The following WWTR1 variants were observed in gnomAD, a reference collection of about 807,000 sequenced individuals.
WWTR1 encodes WW domain containing transcription regulator 1.
In WWTR1, 13 loss-of-function variants were observed where a neutral mutation model predicts 40.1. The ratio of observed to expected loss-of-function variants is 0.32; its 90% CI spans 0.21 to 0.52. The LOEUF is 0.52. Among genes scored for constraint, WWTR1 ranks in the 20% least tolerant of loss-of-function variants. WWTR1 has a pLI of 0.97. For synonymous variants in WWTR1, 230 were observed against 210.1 expected (o/e 1.09, Z -0.82); for missense variants, 436 against 523.1 (o/e 0.83, Z 1.63).
chr3:149,521,341 A>C (rs145083519), intron 6 of WWTR1, among the ~76,000 whole-genome samples: 354 of 152,324 alleles, frequency 2.3e-3, no homozygotes, highest in African/African-American at 8.3e-3. Context: ...TACAGGTTTC[A>C]TTGTAAGCTT....
intron 2 of WWTR1, among the ~76,000 whole-genome samples, chr3:149,610,846 A>C (rs1223653658): frequency 1.3e-5 from 2 of 152,336 alleles, no homozygotes; most frequent in East Asian, 3.9e-4. Flanking sequence ...ACTGCTGTTC[A>C]TAAGAAGCCT....
chr3:149,588,204 T>C (rs1576581209), intron 2 of WWTR1, among the ~76,000 whole-genome samples: 1 of 152,166 alleles, frequency 6.6e-6, no homozygotes, highest in African/African-American at 2.4e-5. Context: ...CACCCTTCCA[T>C]CTTTTCTCCA....
intron 3 of WWTR1, among the ~76,000 whole-genome samples, chr3:149,553,273 G>A (rs1023759278): frequency 2.3e-4 from 35 of 152,092 alleles, no homozygotes; most frequent in Admixed American, 7.2e-4. Context: ...GATCACCAAC[G>A]GATCACCAAT....
At chr3:149,618,783 G>A (rs189084898) in intron 2 of WWTR1, among the ~76,000 whole-genome samples, 30 of 152,202 alleles carry the variant, frequency 2.0e-4, no homozygotes, top group Middle Eastern at 3.4e-3. Flanking sequence ...GCCTCTCCAC[G>A]CTGTAGGAGC....
In WWTR1 at chr3:149,520,925, A is replaced by G. The variant is rs755724494; in HGVS notation, c.1083T>C (p.Leu361=). ...CAACGTTTGTTCCTGGAAGACAGTC[A>G]AGGAAATCAGGGAAACGGGTCTGTT... The part of the protein sequence containing the change: ...NPQQTRFPDF[L]DCLPGTNVDL... The change falls in exon 7 of 7, where the codon CTT becomes CTC. Residue 361 remains leucine, a synonymous_variant. Transcript: ENST00000360632. 3 of 1,613,546 alleles carry G rather than the reference A, an allele frequency of 1.9e-6. No homozygotes were observed. The South Asian group carries it at 3.3e-5, about 18-fold the overall frequency.
chr3:149,612,441 G>A (rs1450933051), intron 2 of WWTR1, among the ~76,000 whole-genome samples: 1 of 151,432 alleles, frequency 6.6e-6, no homozygotes, highest in Admixed American at 6.6e-5. Flanking sequence ...ATTTTGCACT[G>A]GAAACCTAGA....
chr3:149,524,346 G>T (rs375175791), intron 6 of WWTR1, among the ~76,000 whole-genome samples: 6,013 of 76,706 alleles, frequency 0.078, 175 homozygotes, highest in Middle Eastern at 0.11. Flanking sequence ...TTTTTTTTTT[G>T]AATGTCAAAC....
At chr3:149,581,801 C>A (rs2108013636) in intron 2 of WWTR1, among the ~76,000 whole-genome samples, 1 of 152,324 alleles carries the variant, frequency 6.6e-6, no homozygotes, top group African/African-American at 2.4e-5. Context: ...TCTCCTAGTG[C>A]CTCTGCCCTG....
intron 2 of WWTR1, among the ~76,000 whole-genome samples, chr3:149,615,972 C>T (rs181080183): frequency 4.6e-5 from 7 of 152,224 alleles, no homozygotes; most frequent in Admixed American, 3.9e-4. Context: ...AAAAAAATGG[C>T]CTGAGAACAA....
chr3:149,565,566 T>A (rs60234416), intron 3 of WWTR1, among the ~76,000 whole-genome samples: 510 of 152,148 alleles, frequency 3.4e-3, no homozygotes, highest in African/African-American at 0.011. Flanking sequence ...TTTGGTAATT[T>A]TTTTCAGTCT....
At chr3:149,681,028 T>C (rs1714445433) in intron 1 of WWTR1, among the ~76,000 whole-genome samples, 1 of 152,254 alleles carries the variant, frequency 6.6e-6, no homozygotes, top group Non-Finnish European at 1.5e-5. Flanking sequence ...ACCTTGTACA[T>C]ACATCTTGTA....
At chr3:149,638,963 C>T (rs962757627) in intron 2 of WWTR1, among the ~76,000 whole-genome samples, 1 of 152,146 alleles carries the variant, frequency 6.6e-6, no homozygotes, top group Admixed American at 6.5e-5. Context: ...CTAGCTCAAA[C>T]GAGAGATACT....
chr3:149,526,179 A>G (rs1576536365), intron 5 of WWTR1, 54 bp from the exon 6 acceptor site: 2 of 1,364,692 alleles, frequency 1.5e-6, no homozygotes, highest in Non-Finnish European at 2.0e-6. Flanking sequence ...ATAAATCTCA[A>G]AATTAAAACA....
chr3:149,570,207 G>A (rs1218019032), intron 3 of WWTR1, among the ~76,000 whole-genome samples: 1 of 152,076 alleles, frequency 6.6e-6, no homozygotes. Flanking sequence ...CTTTGCAATG[G>A]GCAAATACAC....
intron 6 of WWTR1, among the ~76,000 whole-genome samples, chr3:149,522,935 G>A (rs1048506058): frequency 2.0e-5 from 3 of 151,592 alleles, no homozygotes; most frequent in East Asian, 1.9e-4. Context: ...GCATGGTGGC[G>A]CACCCCTGTA....
intron 6 of WWTR1, among the ~76,000 whole-genome samples, chr3:149,524,245 C>T (rs939309963): frequency 4.6e-5 from 7 of 151,738 alleles, no homozygotes; most frequent in African/African-American, 9.7e-5. Context: ...TTCCACATTA[C>T]GGCTTCAAAA....
chr3:149,677,170 C>T (rs533390771), intron 1 of WWTR1, among the ~76,000 whole-genome samples: 5 of 152,196 alleles, frequency 3.3e-5, no homozygotes, highest in East Asian at 1.9e-4. Flanking sequence ...CCCATCTCAG[C>T]CTCCCAAAGT....
At chr3:149,654,602 T>G (rs1193052926) in intron 2 of WWTR1, among the ~76,000 whole-genome samples, 3 of 152,176 alleles carry the variant, frequency 2.0e-5, no homozygotes, top group Admixed American at 2.0e-4. Flanking sequence ...CAAGGCTAAC[T>G]TCCACTTTTG....
At chr3:149,549,227 G>C (rs890686174) in intron 3 of WWTR1, among the ~76,000 whole-genome samples, 2 of 152,144 alleles carry the variant, frequency 1.3e-5, no homozygotes, top group South Asian at 4.1e-4. Context: ...TGGGAGTTGG[G>C]GGGCAACATT....
Sources: gnomAD v4.1 joint callset for allele counts (sites outside exome capture counted in the v4.1 genomes callset) on GRCh38, gnomAD v4.1.1 for gene constraint, MANE v1.5 for transcripts, NCBI Gene and HGNC (gene_info 2026-07-23, HGNC 2026-07-21) for gene names.